The following IBTK variants were observed in gnomAD, a reference collection of about 807,000 sequenced individuals.
The protein encoded by IBTK is inhibitor of Bruton tyrosine kinase.
A neutral mutation model predicts 154.9 loss-of-function variants in IBTK; 83 were observed. That is an observed-to-expected ratio of 0.54 (90% CI 0.45 to 0.64). The LOEUF is 0.64. Ranked by LOEUF, IBTK falls within the 30% of genes least tolerant of loss-of-function variation. IBTK has a pLI of 0.00. For missense variants in IBTK, 1,332 were observed against 1,584.6 expected, an observed-to-expected ratio of 0.84 and a Z score of 2.71; for synonymous variants, 515 against 536.1, an observed-to-expected ratio of 0.96 and a Z score of 0.54.
At position 82,200,136 on chromosome 6, in the gene IBTK, C is replaced by G; in HGVS notation, c.3025+5G>C. 1 of 1,548,158 alleles carries G rather than the reference C, an allele frequency of 6.5e-7. No individual in the cohort carries two copies. Among genetic ancestry groups the G allele is most frequent in the Non-Finnish European group, 8.9e-7 (1 of 1,125,862 alleles). Reference sequence around the variant, plus strand: ...ACTGGAAATACATGCTCACTTTCCACGAACCTGTAGATGATGGACTCTGAA... The same window carrying G: ...ACTGGAAATACATGCTCACTTTCCAGGAACCTGTAGATGATGGACTCTGAA... On this transcript the variant is annotated splice_donor_5th_base_variant and intron_variant, in intron 21 of 28. Transcript: ENST00000306270.
At chr6:82,226,229 G>T (rs1051950257) in intron 5 of IBTK, among the ~76,000 whole-genome samples, 3 of 149,308 alleles carry the variant, frequency 2.0e-5, no homozygotes, top group African/African-American at 7.4e-5. Flanking sequence ...GCCTCACAGG[G>T]CTGTTGTGAG....
intron 26 of IBTK, among the ~76,000 whole-genome samples, chr6:82,176,663 T>C (rs1768130200): frequency 6.6e-6 from 1 of 151,620 alleles, no homozygotes; most frequent in African/African-American, 2.4e-5. Context: ...CAAATAAAAA[T>C]TGTACAAATT....
chr6:82,196,270 T>C, intron 22 of IBTK, 28 bp downstream of exon 22: 2 of 1,537,716 alleles, frequency 1.3e-6, no homozygotes, highest in Non-Finnish European at 1.8e-6. Flanking sequence ...AATCTGAAGG[T>C]AAGGAGGTAG....
chr6:82,173,661 A>AG, intron 26 of IBTK: 1 of 238,786 alleles, frequency 4.2e-6, no homozygotes, highest in Non-Finnish European at 7.1e-6. Flanking sequence ...GAAATAGCCT[A>AG]TTTCTAATAA....
rs549760495 is a variant in IBTK at position 82,209,560 on chromosome 6, G to A, written c.2509+1254C>T. Among the ~76,000 whole-genome samples the A allele has an allele frequency of 3.3e-5, 5 of 152,304 alleles. No homozygotes were observed. The South Asian group carries it at 8.3e-4, about 25-fold the overall frequency. ...TAATAGGGGTTTTCCACGGACTGGG[G>A]ATAAGAGAGAGTGGGAAGTGTCTGC... is the stretch of plus-strand genomic sequence containing the variant. On this transcript the variant is annotated intron_variant, in intron 16 of 28. Transcript: ENST00000306270.
rs1408940449 is a variant in IBTK at position 82,201,495 on chromosome 6, AT to A, written c.2730-14del. 5 of 1,576,470 alleles carry A rather than the reference AT, an allele frequency of 3.2e-6. No homozygotes were observed. The African/African-American group carries it at 4.1e-5, about 13-fold the overall frequency. On this transcript the variant is annotated splice_polypyrimidine_tract_variant and intron_variant, in intron 18 of 28. Coordinates refer to ENST00000306270, the MANE Select transcript of IBTK (RefSeq NM_015525.4). ...AACATCAAGAGACCTAAAATATAGG[AT>A]ACAAAATTCTATCTTAAGATTCAAG...
chr6:82,233,072 G>C (rs35182425), intron 3 of IBTK, among the ~76,000 whole-genome samples: 1 of 150,884 alleles, frequency 6.6e-6, no homozygotes, highest in East Asian at 2.0e-4. Flanking sequence ...GAGCCTCTCA[G>C]CTTGAACCCG....
At chr6:82,240,100 T>C in intron 2 of IBTK, 66 bp downstream of exon 2, 2 of 1,358,718 alleles carry the variant, frequency 1.5e-6, no homozygotes, top group Non-Finnish European at 1.0e-6. Flanking sequence ...ATGTAGGATG[T>C]ATGAAAATGA....
intron 21 of IBTK, among the ~76,000 whole-genome samples, chr6:82,197,060 G>A (rs1398884284): frequency 6.6e-6 from 1 of 152,118 alleles, no homozygotes; most frequent in African/African-American, 2.4e-5. Flanking sequence ...CTTCTCTTAG[G>A]CAAGCTAAAT....
At chr6:82,233,711 GTTTT>G (rs375746607) in intron 3 of IBTK, among the ~76,000 whole-genome samples, 7 of 122,830 alleles carry the variant, frequency 5.7e-5, no homozygotes, top group Non-Finnish European at 5.0e-5. Context: ...CATTTGTAAA[GTTTT>G]TTTTTTTTTT....
At chr6:82,178,542 C>T (rs1582180515) in intron 26 of IBTK, among the ~76,000 whole-genome samples, 1 of 152,270 alleles carries the variant, frequency 6.6e-6, no homozygotes, top group Non-Finnish European at 1.5e-5. Flanking sequence ...ATTCACCAGA[C>T]TCACTGAGCA....
intron 25 of IBTK, among the ~76,000 whole-genome samples, chr6:82,189,768 G>T (rs1562076481): frequency 6.6e-6 from 1 of 152,184 alleles, no homozygotes; most frequent in Non-Finnish European, 1.5e-5. Context: ...ATGATTGATG[G>T]CATGCTTACA....
chr6:82,229,543 T>C (rs970403103), intron 4 of IBTK, among the ~76,000 whole-genome samples: 2 of 152,030 alleles, frequency 1.3e-5, no homozygotes, highest in Non-Finnish European at 2.9e-5. Context: ...ATGGTTGGAT[T>C]ATCATTTTAA....
At chr6:82,173,513 AG>A in intron 26 of IBTK, 75 bp from the exon 27 acceptor site, 1 of 1,268,344 alleles carries the variant, frequency 7.9e-7, no homozygotes, top group East Asian at 2.3e-5. Flanking sequence ...ATAGATACAG[AG>A]GAAGAATTGT....
chr6:82,205,060 A>C (rs1280971410), intron 16 of IBTK, 102 bp from the exon 17 acceptor site: 1 of 517,108 alleles, frequency 1.9e-6, no homozygotes, highest in African/African-American at 2.1e-5. Flanking sequence ...GATTTAAGTA[A>C]AAAAAAAATT....
intron 5 of IBTK, among the ~76,000 whole-genome samples, chr6:82,225,855 A>G (rs1770277393): frequency 6.6e-6 from 1 of 152,228 alleles, no homozygotes; most frequent in Non-Finnish European, 1.5e-5. Context: ...ACATAAGCCC[A>G]GTAAGACATT....
Position 82,240,533 on chromosome 6 carries a change from T to A in IBTK, c.-47A>T. 6.6e-7 allele frequency: 1 copy of A among 1,514,632 alleles called. No individual in the cohort carries two copies. Among genetic ancestry groups the A allele is most frequent in the Admixed American group, 2.0e-5 (1 of 50,652 alleles). 93.8% of individuals were successfully genotyped at this position (1,514,632 alleles called of 1,614,324 possible). On this transcript the variant is annotated 5_prime_UTR_variant, in exon 2 of 29. Transcript: ENST00000306270. The stretch of plus-strand genomic sequence containing the variant: ...TACTTCAGAATCGTGAAAACTAATT[T>A]TAAAAAATGAAAAAGCCAGGACACA...
rs150951569 is a variant in IBTK at position 82,205,240 on chromosome 6, A to G, written c.2510-282T>C. On this transcript the variant is annotated intron_variant, in intron 16 of 28. Transcript: ENST00000306270. The stretch of plus-strand genomic sequence containing the variant: ...TCACACTAGGACCATAAAATGGCCA[A>G]CTTAAATTGATCATTTCAGTCTAGA... 6.3e-5 allele frequency: 13 copies of G among 207,254 alleles called. No individual in the cohort carries two copies. The East Asian group carries it at 1.4e-3, about 22-fold the overall frequency. 12.8% of individuals were successfully genotyped at this position (207,254 alleles called of 1,614,324 possible).
chr6:82,181,148 G>A (rs962553820), intron 26 of IBTK, among the ~76,000 whole-genome samples: 3 of 152,080 alleles, frequency 2.0e-5, no homozygotes, highest in Non-Finnish European at 4.4e-5. Context: ...CTAGAACTTT[G>A]GGAGGCTGAG....
Sources: allele counts gnomAD v4.1 joint callset (sites outside exome capture counted in the v4.1 genomes callset), GRCh38; gene constraint gnomAD v4.1.1; transcripts MANE v1.5; gene names NCBI Gene and HGNC (gene_info 2026-07-23, HGNC 2026-07-21).